Variants in ZNF407 observed in about 807,000 individuals in gnomAD.
ZNF407 encodes the protein zinc finger protein 407.
In ZNF407, 17 loss-of-function variants were observed where a neutral mutation model predicts 131.2. The observed-to-expected ratio is 0.13, with a 90% confidence interval of 0.09 to 0.19. ZNF407 has a LOEUF of 0.19. Among genes scored for constraint, ZNF407 ranks in the 10% least tolerant of loss-of-function variants. The pLI is 1.00. For missense variants in ZNF407, 2,681 were observed against 2,830.6 expected, an observed-to-expected ratio of 0.95 and a Z score of 1.20; for synonymous variants, 1,156 against 1,062.0, an observed-to-expected ratio of 1.09 and a Z score of -1.72.
At chr18:74,762,493 G>A (rs918121982) in intron 3 of ZNF407, among the ~76,000 whole-genome samples, 1 of 152,000 alleles carries the variant, frequency 6.6e-6, no homozygotes, top group African/African-American at 2.4e-5. Flanking sequence ...ATATGTGTAT[G>A]TATTCTCCAT....
intron 3 of ZNF407, among the ~76,000 whole-genome samples, chr18:74,701,356 C>T (rs1385649908): frequency 2.0e-5 from 3 of 152,222 alleles, no homozygotes; most frequent in Non-Finnish European, 4.4e-5. Context: ...TTATTGCAAA[C>T]TGTGAGTTAG....
intron 3 of ZNF407, among the ~76,000 whole-genome samples, chr18:74,684,319 T>C (rs183449220): frequency 1.3e-5 from 2 of 152,284 alleles, no homozygotes; most frequent in African/African-American, 2.4e-5. Context: ...AAAACAGCTT[T>C]AAGGGAAAAC....
chr18:74,645,571 T>C (rs2144697848), intron 3 of ZNF407, among the ~76,000 whole-genome samples: 1 of 152,226 alleles, frequency 6.6e-6, no homozygotes, highest in Non-Finnish European at 1.5e-5. Context: ...AATGTGCTTA[T>C]GAACTGTTTA....
At chr18:74,755,106 G>T (rs940562613) in intron 3 of ZNF407, among the ~76,000 whole-genome samples, 1 of 152,036 alleles carries the variant, frequency 6.6e-6, no homozygotes, top group Non-Finnish European at 1.5e-5. Context: ...TTATGTAATG[G>T]CCTTCTTTGT....
chr18:74,695,773 C>T (rs757549392), intron 3 of ZNF407, among the ~76,000 whole-genome samples: 3 of 152,164 alleles, frequency 2.0e-5, no homozygotes, highest in African/African-American at 4.8e-5. Context: ...TAAGCGTGTT[C>T]ATCTGTTCTC....
intron 8 of ZNF407, among the ~76,000 whole-genome samples, chr18:74,998,135 G>C (rs997487300): frequency 2.0e-5 from 3 of 152,202 alleles, no homozygotes; most frequent in Non-Finnish European, 4.4e-5. Flanking sequence ...TTTGAACACA[G>C]GCCTTCAGCT....
intron 8 of ZNF407, among the ~76,000 whole-genome samples, chr18:74,991,569 T>C (rs1483179537): frequency 3.3e-5 from 5 of 152,212 alleles, no homozygotes; most frequent in Non-Finnish European, 7.3e-5. Flanking sequence ...TTCTTTAAAA[T>C]CAATACCTAT....
At chr18:74,671,390 A>G (rs1399867655) in intron 3 of ZNF407, among the ~76,000 whole-genome samples, 1 of 151,830 alleles carries the variant, frequency 6.6e-6, no homozygotes, top group Non-Finnish European at 1.5e-5. Flanking sequence ...GTTACGGGGT[A>G]CATGTGAAGG....
At chr18:74,994,889 G>C (rs1972762519) in intron 8 of ZNF407, among the ~76,000 whole-genome samples, 1 of 152,114 alleles carries the variant, frequency 6.6e-6, no homozygotes, top group African/African-American at 2.4e-5. Flanking sequence ...GAGGGTGGAA[G>C]AAGTTTATTA....
At chr18:75,053,798 G>T (rs1353027379) in intron 8 of ZNF407, among the ~76,000 whole-genome samples, 1 of 152,220 alleles carries the variant, frequency 6.6e-6, no homozygotes, top group Non-Finnish European at 1.5e-5. Flanking sequence ...TGGCACAGAG[G>T]CTCTCCCAAG....
chr18:74,886,956 TATA>T (rs1971318627), intron 6 of ZNF407, among the ~76,000 whole-genome samples: 1 of 152,224 alleles, frequency 6.6e-6, no homozygotes, highest in Admixed American at 6.5e-5. Flanking sequence ...TAAAATAATT[TATA>T]ATATGTGTCA....
At chr18:74,746,295 C>G (rs1968666696) in intron 3 of ZNF407, among the ~76,000 whole-genome samples, 1 of 152,078 alleles carries the variant, frequency 6.6e-6, no homozygotes, top group Non-Finnish European at 1.5e-5. Context: ...ATCGTGGAGG[C>G]CTAGGACATT....
chr18:74,888,409 A>G (rs1434913325), intron 6 of ZNF407, among the ~76,000 whole-genome samples: 3 of 152,188 alleles, frequency 2.0e-5, no homozygotes, highest in Non-Finnish European at 4.4e-5. Context: ...TCAAATTATT[A>G]TAATTTCTAC....
intron 8 of ZNF407, among the ~76,000 whole-genome samples, chr18:74,947,347 C>T (rs1335788400): frequency 6.6e-6 from 1 of 152,126 alleles, no homozygotes; most frequent in East Asian, 1.9e-4. Flanking sequence ...GGCCCAAGTT[C>T]ATGATGTTTT....
intron 7 of ZNF407, among the ~76,000 whole-genome samples, chr18:74,892,930 A>G (rs1369171290): frequency 6.6e-6 from 1 of 152,160 alleles, no homozygotes. Flanking sequence ...AAGGCTTTTG[A>G]TAGTATGACT....
intron 1 of ZNF407, among the ~76,000 whole-genome samples, chr18:74,607,989 A>G (rs1982883155): frequency 6.6e-6 from 1 of 152,254 alleles, no homozygotes; most frequent in Non-Finnish European, 1.5e-5. Flanking sequence ...CACAGAAGTT[A>G]GAGATAGCAT....
chr18:74,728,351 T>G (rs535965539), intron 3 of ZNF407, among the ~76,000 whole-genome samples: 62 of 152,216 alleles, frequency 4.1e-4, no homozygotes, highest in African/African-American at 1.1e-3. Flanking sequence ...TTTGGGCTAT[T>G]TGATGAATGA....
chr18:74,871,332 G>A (rs1466893113), intron 4 of ZNF407, among the ~76,000 whole-genome samples: 1 of 151,910 alleles, frequency 6.6e-6, no homozygotes, highest in African/African-American at 2.4e-5. Flanking sequence ...TTATTATCTT[G>A]AAAAAAGAAG....
chr18:74,936,558 C>T (rs1304214649), intron 8 of ZNF407, among the ~76,000 whole-genome samples: 1 of 152,210 alleles, frequency 6.6e-6, no homozygotes, highest in Non-Finnish European at 1.5e-5. Flanking sequence ...GCTGTGCCCA[C>T]CTCCTGAGAA....
Sources: allele counts gnomAD v4.1 joint callset (sites outside exome capture counted in the v4.1 genomes callset), GRCh38; gene constraint gnomAD v4.1.1; transcripts MANE v1.5; gene names NCBI Gene and HGNC (gene_info 2026-07-23, HGNC 2026-07-21).